HECW2: variants seen among roughly 807,000 people sequenced by gnomAD.
The protein encoded by HECW2 is E3 ubiquitin-protein ligase HECW2.
HECW2 carries 61 observed loss-of-function variants against 175.2 expected under a neutral mutation model. The observed-to-expected ratio is 0.35, with a 90% CI of 0.28 to 0.43. HECW2 has a LOEUF of 0.43. Ranked by LOEUF, HECW2 falls within the 20% of genes least tolerant of loss-of-function variation. HECW2 has a pLI of 1.00. For missense variants in HECW2, 1,524 were observed against 2,000.5 expected (o/e 0.76, Z 4.54); for synonymous variants, 671 against 731.0 (o/e 0.92, Z 1.32).
chr2:196,550,170 A>T (rs1368774813), intron 1 of HECW2, among the ~76,000 whole-genome samples: 1 of 152,228 alleles, frequency 6.6e-6, no homozygotes, highest in African/African-American at 2.4e-5. Context: ...AGTTTGGTTA[A>T]CTTATCTACC....
intron 1 of HECW2, among the ~76,000 whole-genome samples, chr2:196,541,471 G>A (rs1254852561): frequency 6.6e-6 from 1 of 152,030 alleles, no homozygotes; most frequent in Non-Finnish European, 1.5e-5. Flanking sequence ...TAAAATTCTA[G>A]AAGAAATCTT....
chr2:196,234,375 G>A (rs1271498356), intron 21 of HECW2, among the ~76,000 whole-genome samples: 2 of 151,674 alleles, frequency 1.3e-5, no homozygotes, highest in Non-Finnish European at 2.9e-5. Context: ...GTAACCTTGA[G>A]CTCCTGGACT....
intron 28 of HECW2, among the ~76,000 whole-genome samples, chr2:196,215,226 T>C (rs548399135): frequency 6.6e-6 from 1 of 152,310 alleles, no homozygotes; most frequent in South Asian, 2.1e-4. Context: ...CCATATCAGA[T>C]GGGTAATGTG....
At chr2:196,503,772 C>T (rs142706716) in intron 1 of HECW2, among the ~76,000 whole-genome samples, 169 of 152,282 alleles carry the variant, frequency 1.1e-3, no homozygotes, top group East Asian at 9.7e-3. Context: ...CCATCTCAGA[C>T]GGATAGAAAC....
At chr2:196,239,923 G>C (rs1688387959) in intron 21 of HECW2, 1 of 152,306 alleles carries the variant, frequency 6.6e-6, no homozygotes, top group Non-Finnish European at 1.5e-5. Context: ...TGGTAGGTGT[G>C]CTGCCTTCCC....
intron 21 of HECW2, among the ~76,000 whole-genome samples, chr2:196,237,630 G>T (rs778653241): frequency 6.6e-6 from 1 of 152,128 alleles, no homozygotes; most frequent in Non-Finnish European, 1.5e-5. Flanking sequence ...TTTTGCAAAA[G>T]ATATTTTTCT....
At chr2:196,547,895 G>A (rs1312013468) in intron 1 of HECW2, among the ~76,000 whole-genome samples, 1 of 152,168 alleles carries the variant, frequency 6.6e-6, no homozygotes, top group Non-Finnish European at 1.5e-5. Context: ...GCAACTGAGT[G>A]GAATCATATT....
intron 19 of HECW2, among the ~76,000 whole-genome samples, chr2:196,246,728 A>G (rs1337071861): frequency 2.0e-5 from 3 of 152,126 alleles, no homozygotes; most frequent in Non-Finnish European, 4.4e-5. Context: ...ACTTTAAAAA[A>G]CAGCACAGAC....
At chr2:196,299,808 G>A (rs1308917785) in intron 13 of HECW2, among the ~76,000 whole-genome samples, 1 of 151,908 alleles carries the variant, frequency 6.6e-6, no homozygotes, top group East Asian at 1.9e-4. Flanking sequence ...GGGCATCTTT[G>A]GTCCCAGCTA....
intron 4 of HECW2, among the ~76,000 whole-genome samples, chr2:196,330,607 T>C (rs1381251471): frequency 6.6e-6 from 1 of 151,940 alleles, no homozygotes; most frequent in Non-Finnish European, 1.5e-5. Flanking sequence ...CAGTTTAGAG[T>C]CAATCCCCAC....
intron 1 of HECW2, among the ~76,000 whole-genome samples, chr2:196,535,759 A>C (rs1489934417): frequency 6.6e-6 from 1 of 152,208 alleles, no homozygotes; most frequent in African/African-American, 2.4e-5. Context: ...GAGAAAGCAG[A>C]AACAGTTTAG....
intron 2 of HECW2, among the ~76,000 whole-genome samples, chr2:196,412,522 C>T (rs1027176671): frequency 1.3e-5 from 2 of 152,218 alleles, no homozygotes; most frequent in African/African-American, 4.8e-5. Flanking sequence ...AAGAGTTTAT[C>T]ATCCCATTTT....
chr2:196,204,649 G>A (rs1386405038), intron 28 of HECW2, among the ~76,000 whole-genome samples: 1 of 152,216 alleles, frequency 6.6e-6, no homozygotes, highest in Non-Finnish European at 1.5e-5. Flanking sequence ...CCTGCTCCAT[G>A]AAAACAGTGA....
intron 1 of HECW2, among the ~76,000 whole-genome samples, chr2:196,549,346 ACTT>A (rs1689533279): frequency 2.6e-5 from 4 of 152,114 alleles, no homozygotes; most frequent in South Asian, 2.1e-4. Context: ...AAGGAAAATG[ACTT>A]CTTTTCTTTC....
rs560940653 is a variant in HECW2 at position 196,521,548 on chromosome 2, T to G, written c.-36+71960A>C. On this transcript the variant is annotated intron_variant, in intron 1 of 28. Transcript: ENST00000644978. ...GCACATTGTGCAGGTTAGTTACATA[T>G]GTATACATGTGCCATGCTGGTGCGC... Among the ~76,000 whole-genome samples the G allele has an allele frequency of 2.6e-5, 4 of 151,456 alleles. No homozygotes were observed. In the South Asian group the frequency reaches 6.3e-4, roughly 24 times the overall value.
At chr2:196,397,134 CA>C (rs10534508) in intron 2 of HECW2, among the ~76,000 whole-genome samples, 216 of 151,514 alleles carry the variant, frequency 1.4e-3, no homozygotes, top group African/African-American at 3.6e-3. Context: ...CAAAACAAAA[CA>C]AAAAAAAAAA....
Position 196,307,159 on chromosome 2 carries a change from T to G in HECW2, c.2660A>C (p.Glu887Ala), listed in dbSNP as rs766688301. The change falls in exon 12 of 29, where the codon GAG becomes GCG. Residue 887 changes from glutamate (E) to alanine (A), a missense_variant. Around this residue, in one of 11 missense-constraint regions of HECW2, gnomAD observed 105 missense variants for 98.1 expected, o/e 1.07. Coordinates refer to ENST00000644978, the MANE Select transcript of HECW2 (RefSeq NM_001348768.2). ...ENTNAIDGAG[E>A]EADFHQASAD... The stretch of plus-strand genomic sequence containing the variant: ...ACTGGCTTGGTGAAAGTCAGCTTCC[T>G]CCCCTGCCCCATCAATAGCATTGGT... The G allele has an allele frequency of 4.2e-5, 68 of 1,613,610 alleles. No individual in the cohort carries two copies. The highest frequency in any genetic ancestry group is 1.0e-4 in the Admixed American group (6 of 60,000).
chr2:196,226,070 C>G (rs1008015986), intron 22 of HECW2, among the ~76,000 whole-genome samples, 200 bp from the exon 23 acceptor site: 1 of 152,152 alleles, frequency 6.6e-6, no homozygotes, highest in African/African-American at 2.4e-5. Flanking sequence ...TGTCCCTGCC[C>G]AAATGTCATG....
intron 19 of HECW2, among the ~76,000 whole-genome samples, chr2:196,248,357 T>C (rs1041758157): frequency 4.6e-5 from 7 of 152,268 alleles, no homozygotes; most frequent in Admixed American, 2.6e-4. Context: ...TAAGTCTCTA[T>C]ACTATGAGAG....
Sources: gnomAD v4.1 joint callset for allele counts (sites outside exome capture counted in the v4.1 genomes callset) on GRCh38, gnomAD v4.1.1 for gene constraint, gnomAD v4.1.1 regional missense constraint, MANE v1.5 for transcripts, NCBI Gene and HGNC (gene_info 2026-07-23, HGNC 2026-07-21) for gene names.